Variants in MBD3 observed in about 807,000 individuals in gnomAD.
MBD3 encodes the protein methyl-CpG-binding domain protein 3.
A neutral mutation model predicts 31.2 loss-of-function variants in MBD3; 13 were observed. That is an observed-to-expected ratio of 0.42 (90% confidence interval 0.27 to 0.66). The LOEUF (loss-of-function observed/expected upper bound fraction) is 0.66. Ranked by LOEUF, MBD3 falls within the 30% of genes least tolerant of loss-of-function variation. MBD3 has a pLI of 0.26. For synonymous variants in MBD3, 223 were observed against 187.4 expected, an observed-to-expected ratio of 1.19 and a Z score of -1.55; for missense variants, 440 against 426.5, an observed-to-expected ratio of 1.03 and a Z score of -0.28.
intron 5 of MBD3, 57 bp downstream of exon 5, chr19:1,581,035 G>C (rs1179248060): frequency 5.0e-6 from 8 of 1,604,362 alleles, no homozygotes; most frequent in East Asian, 2.2e-5. Flanking sequence ...GACACTCAGG[G>C]TCCCCACGGC....
At chr19:1,589,814 A>T (rs2060695631) in intron 1 of MBD3, among the ~76,000 whole-genome samples, 1 of 152,168 alleles carries the variant, frequency 6.6e-6, no homozygotes, top group Non-Finnish European at 1.5e-5. Flanking sequence ...AGCCTGGGTG[A>T]CAGAACAAGA....
chr19:1,583,039 A>G (rs2060660280), intron 3 of MBD3, among the ~76,000 whole-genome samples: 1 of 151,974 alleles, frequency 6.6e-6, no homozygotes. Context: ...CCCCTTATCT[A>G]CTAAAAATAC....
chr19:1,590,655 T>C (rs2060699359), intron 1 of MBD3, among the ~76,000 whole-genome samples: 1 of 152,096 alleles, frequency 6.6e-6, no homozygotes, highest in Non-Finnish European at 1.5e-5. Context: ...GTGAATTATA[T>C]CTCAATTTTA....
In MBD3 at chr19:1,592,487, C is replaced by T; in HGVS notation, c.110+35G>A. 4.1e-6 allele frequency: 5 copies of T among 1,205,784 alleles called. 1 individual carries two copies. The highest frequency in any genetic ancestry group is 4.9e-5 in the East Asian group (1 of 20,386). The allele number at this position is 1,205,784 out of a possible 1,614,324, so 74.7% of individuals were successfully genotyped here. On this transcript the variant is annotated intron_variant, in intron 1 of 6. Transcript: ENST00000434436. ...GCCGCAGAGGCCGCTGGGAGGAGCC[C>T]GTTGAGGCCCTGCGCGGCCGGCGCG... is the stretch of plus-strand genomic sequence containing the variant.
rs1433163044 is a variant in MBD3, at chr19:1,592,712, C to T, written c.-81G>A. The stretch of plus-strand genomic sequence containing the variant: ...TCGCCGCCGCCGCCTCAGCTGCCTC[C>T]GCTGCCGCTGCCGCCGCCGCCACTT... On this transcript the variant is annotated 5_prime_UTR_variant, in exon 1 of 7. Transcript: ENST00000434436. 3 of 332,904 alleles carry T rather than the reference C, an allele frequency of 9.0e-6. No individual in the cohort carries two copies. Among genetic ancestry groups the T allele is most frequent in the African/African-American group, 2.3e-5 (1 of 44,396 alleles). 20.6% of individuals were successfully genotyped at this position (332,904 alleles called of 1,614,324 possible).
chr19:1,592,276 C>T (rs1237138734), intron 1 of MBD3: 1 of 158,152 alleles, frequency 6.3e-6, no homozygotes, highest in Admixed American at 6.5e-5. Flanking sequence ...CGCGCACGAA[C>T]AAAGGCCGCA....
At position 1,592,560 on chromosome 19, in the gene MBD3, C is replaced by G. The variant is rs761260059; in HGVS notation, c.72G>C (p.Ser24=). Residue 24 remains serine, a synonymous_variant, in exon 1 of 7, where the codon TCG becomes TCC. Transcript: ENST00000434436. ...CATCCCTGTGGCCGGCCGACAGCCC[C>G]GACCTTCTGGGCACTTCTTCCCTCT... ...GWEREEVPRR[S]GLSAGHRDVF... 9.0e-6 allele frequency: 13 copies of G among 1,445,220 alleles called. No homozygotes were observed. Among genetic ancestry groups the G allele is most frequent in the South Asian group, 1.2e-5 (1 of 85,592 alleles). 89.5% of individuals were successfully genotyped at this position (1,445,220 alleles called of 1,614,324 possible).
At chr19:1,584,884 T>C (rs2060670765) in intron 2 of MBD3, 171 bp downstream of exon 2, 8 of 1,100,960 alleles carry the variant, frequency 7.3e-6, no homozygotes, top group Non-Finnish European at 1.0e-5. Flanking sequence ...GTCCTCGCCA[T>C]GCGCCTTGCG....
intron 1 of MBD3, among the ~76,000 whole-genome samples, chr19:1,587,218 G>A (rs1454016155): frequency 1.3e-5 from 2 of 151,806 alleles, no homozygotes; most frequent in Non-Finnish European, 2.9e-5. Flanking sequence ...GGCTGCCTTG[G>A]CCTCCCAAAG....
chr19:1,584,773 C>A, intron 2 of MBD3, 96 bp from the exon 3 acceptor site: 2 of 1,318,782 alleles, frequency 1.5e-6, no homozygotes, highest in Admixed American at 2.3e-5. Flanking sequence ...GCTTTGCCGG[C>A]GCCCCTCGTG....
intron 1 of MBD3, among the ~76,000 whole-genome samples, chr19:1,590,016 A>G (rs2060696558): frequency 6.6e-6 from 1 of 152,046 alleles, no homozygotes; most frequent in Non-Finnish European, 1.5e-5. Flanking sequence ...ATGTACTAAA[A>G]ACCACTGGGG....
At chr19:1,583,516 C>T (rs1306976576) in intron 3 of MBD3, 2 of 151,922 alleles carry the variant, frequency 1.3e-5, no homozygotes, top group African/African-American at 4.8e-5. Context: ...TAACCACACA[C>T]CCAACCAGCG....
intron 1 of MBD3, among the ~76,000 whole-genome samples, chr19:1,588,779 CAA>C (rs750933978): frequency 4.2e-4 from 23 of 54,956 alleles, no homozygotes; most frequent in South Asian, 2.2e-3. Context: ...ACTGTGTCTC[CAA>C]AAAAAAAAAA....
At chr19:1,587,643 G>A (rs1429031878) in intron 1 of MBD3, among the ~76,000 whole-genome samples, 1 of 152,130 alleles carries the variant, frequency 6.6e-6, no homozygotes, top group Non-Finnish European at 1.5e-5. Context: ...TCCAACTTAC[G>A]ATCTCAAGAG....
At position 1,576,052 on chromosome 19, in the gene MBD3, G is replaced by C. The variant is rs992920696; in HGVS notation, c.*2112C>G. 1 of 152,424 alleles carries C rather than the reference G, an allele frequency of 6.6e-6. No individual in the cohort carries two copies. The highest frequency in any genetic ancestry group is 2.4e-5 in the African/African-American group (1 of 41,414). The allele number at this position is 152,424 out of a possible 1,614,324, so 9.4% of individuals were successfully genotyped here. A position where few individuals can be genotyped will look rare whatever the true frequency, so the allele number is the denominator to read the frequency against. On this transcript the variant is annotated 3_prime_UTR_variant, in exon 7 of 7. Coordinates refer to ENST00000434436, the MANE Select transcript of MBD3 (RefSeq NM_001281453.2). The stretch of plus-strand genomic sequence containing the variant: ...GACAGGAGAGAGAGCAAGAAACAAA[G>C]AGGGACAGAGAGGGAGACGGCGCAA...
chr19:1,587,982 A>G (rs1263423236), intron 1 of MBD3, among the ~76,000 whole-genome samples: 4 of 152,252 alleles, frequency 2.6e-5, no homozygotes, highest in African/African-American at 9.6e-5. Flanking sequence ...GAGACAGCTC[A>G]GAAGAATCTC....
intron 1 of MBD3, among the ~76,000 whole-genome samples, chr19:1,587,186 C>T (rs1259259860): frequency 6.6e-6 from 1 of 151,154 alleles, no homozygotes; most frequent in Non-Finnish European, 1.5e-5. Flanking sequence ...AGGATGGTCG[C>T]GACCTCCTGA....
Position 1,578,003 on chromosome 19 carries a change from C to T in MBD3, c.*161G>A, listed in dbSNP as rs868647146. ...GCCCCAGCTGTGTGCCCCGAGGCCCCGGGAAGTGGGGACGGGCCGAGGAGG... is the reference window on the plus strand; with the variant it reads ...GCCCCAGCTGTGTGCCCCGAGGCCCTGGGAAGTGGGGACGGGCCGAGGAGG... On this transcript the variant is annotated 3_prime_UTR_variant, in exon 7 of 7. Coordinates refer to ENST00000434436, the MANE Select transcript of MBD3 (RefSeq NM_001281453.2). This position sits in a 1 kb window ranked among gnomAD's most constrained non-coding sequence, Gnocchi z 6.1. 68 of 450,980 alleles carry T rather than the reference C, an allele frequency of 1.5e-4. 2 individuals carry two copies. The Middle Eastern group carries it at 1.9e-3, about 13-fold the overall frequency. The allele number at this position is 450,980 out of a possible 1,614,324, so 27.9% of individuals were successfully genotyped here.
chr19:1,586,382 CCA>C (rs1408630092), intron 1 of MBD3: 2 of 152,302 alleles, frequency 1.3e-5, no homozygotes, highest in Admixed American at 6.5e-5. Flanking sequence ...ACACAAAAGG[CCA>C]CACAGTGTGT....
Sources: gnomAD v4.1 joint callset for allele counts (sites outside exome capture counted in the v4.1 genomes callset) on GRCh38, gnomAD v4.1.1 for gene constraint, Gnocchi (gnomAD v3.1) non-coding constraint, MANE v1.5 for transcripts, NCBI Gene and HGNC (gene_info 2026-07-23, HGNC 2026-07-21) for gene names.